The following ACTR3C variants were observed in gnomAD, a reference collection of about 807,000 sequenced individuals.
The protein encoded by ACTR3C is actin-related protein 3C.
ACTR3C carries 18 observed loss-of-function variants against 26.3 expected under a neutral mutation model. The observed-to-expected ratio is 0.68, with a 90% CI of 0.47 to 1.01. The LOEUF (loss-of-function observed/expected upper bound fraction) is 1.01, where lower values mean the gene tolerates loss of function less well. Among genes scored for constraint, ACTR3C ranks in the 50% least tolerant of loss-of-function variants. The probability of loss-of-function intolerance (pLI) is 0.00; values close to 1 mark genes in which losing one functional copy is unlikely to be tolerated. For missense variants in ACTR3C, 184 were observed against 250.7 expected, an observed-to-expected ratio of 0.73 and a Z score of 1.80; for synonymous variants, 55 against 94.5, an observed-to-expected ratio of 0.58 and a Z score of 2.42.
the ACTR3C span, among the ~76,000 whole-genome samples, chr7:150,126,985 T>C: frequency 6.6e-6 from 1 of 152,166 alleles, no homozygotes; most frequent in Non-Finnish European, 1.5e-5. Context: ...CAGTGCAAAA[T>C]ATTACAGGTA....
chr7:150,116,968 G>T, the ACTR3C span, among the ~76,000 whole-genome samples: 4 of 152,144 alleles, frequency 2.6e-5, no homozygotes, highest in Middle Eastern at 3.4e-3. Flanking sequence ...CCTCACTCAG[G>T]AAGCACAAGG....
the ACTR3C span, among the ~76,000 whole-genome samples, chr7:150,047,241 C>A: frequency 6.6e-6 from 1 of 151,958 alleles, no homozygotes; most frequent in African/African-American, 2.4e-5. Flanking sequence ...AAAAAATAAA[C>A]CAACTCGTAA....
chr7:150,296,269 G>A (rs1009360785), intron 1 of ACTR3C, among the ~76,000 whole-genome samples: 1 of 149,884 alleles, frequency 6.7e-6, no homozygotes, highest in Non-Finnish European at 1.5e-5. Flanking sequence ...GACCACTTGA[G>A]CCTCGGAGGT....
At chr7:149,924,663 T>C in the ACTR3C span, among the ~76,000 whole-genome samples, 1 of 151,846 alleles carries the variant, frequency 6.6e-6, no homozygotes, top group Admixed American at 6.6e-5. Context: ...TCTGGCTCTG[T>C]TGCCCAGGCT....
chr7:150,156,357 A>G, the ACTR3C span, among the ~76,000 whole-genome samples: 4 of 152,166 alleles, frequency 2.6e-5, no homozygotes, highest in Non-Finnish European at 5.9e-5. Context: ...TGATAGACAC[A>G]TTTGTATGGT....
chr7:150,148,653 T>A, the ACTR3C span, among the ~76,000 whole-genome samples: 1 of 151,226 alleles, frequency 6.6e-6, no homozygotes. Context: ...TTGTTTTACA[T>A]TTTTACAATT....
chr7:150,299,693 G>A (rs1247021838), intron 1 of ACTR3C, among the ~76,000 whole-genome samples: 2 of 152,070 alleles, frequency 1.3e-5, no homozygotes, highest in Non-Finnish European at 2.9e-5. Flanking sequence ...GGCTGAGGCA[G>A]CAGAATTGCT....
At chr7:149,941,898 A>G in the ACTR3C span, among the ~76,000 whole-genome samples, 35,680 of 151,920 alleles carry the variant, frequency 0.23, 6,545 homozygotes, top group African/African-American at 0.52. Context: ...GTAAATACCC[A>G]AGGACACTGT....
At chr7:149,892,377 G>C in the ACTR3C span, 1 of 1,564,044 alleles carries the variant, frequency 6.4e-7, no homozygotes, top group East Asian at 2.4e-5. Context: ...AACTACCTTT[G>C]CTGACTCTCT....
At chr7:150,035,550 G>C in the ACTR3C span, among the ~76,000 whole-genome samples, 3 of 125,264 alleles carry the variant, frequency 2.4e-5, no homozygotes, top group East Asian at 4.3e-4. Flanking sequence ...CTCCTGCGAT[G>C]GGGGTCCGCA....
the ACTR3C span, among the ~76,000 whole-genome samples, chr7:150,033,788 T>C: frequency 0.012 from 1,620 of 140,054 alleles, no homozygotes; most frequent in Non-Finnish European, 0.02. Context: ...ATGGGGGTCC[T>C]CAGAGCCAGG....
chr7:150,079,576 T>C, the ACTR3C span, among the ~76,000 whole-genome samples: 1 of 152,156 alleles, frequency 6.6e-6, no homozygotes, highest in African/African-American at 2.4e-5. Flanking sequence ...TGGTCCTCCG[T>C]TGGTGGAATG....
the ACTR3C span, among the ~76,000 whole-genome samples, chr7:149,975,718 T>G: frequency 6.6e-6 from 1 of 152,074 alleles, no homozygotes; most frequent in Non-Finnish European, 1.5e-5. Flanking sequence ...CTCAGGAAAC[T>G]TACAGTTATG....
chr7:150,263,957 T>C lies in ACTR3C; in HGVS notation c.565-14903A>G, dbSNP rs564484450. On this transcript the variant is annotated intron_variant, in intron 6 of 7. Coordinates refer to ENST00000683684, the MANE Select transcript of ACTR3C (RefSeq NM_001164458.2). The stretch of plus-strand genomic sequence containing the variant: ...GGAAGACAGCTGCAGGTGGAAGCTA[T>C]GACTATGCTGAGCTCTCAGCGGGGG... 2.6e-3 allele frequency among the ~76,000 whole-genome samples: 402 copies of C among 152,372 alleles called. 1 individual carries two copies. Among genetic ancestry groups the C allele is most frequent in the African/African-American group, 8.7e-3 (360 of 41,592 alleles).
At chr7:150,189,238 T>C in the ACTR3C span, among the ~76,000 whole-genome samples, 1 of 152,116 alleles carries the variant, frequency 6.6e-6, no homozygotes, top group Non-Finnish European at 1.5e-5. Flanking sequence ...TGCTCTATTC[T>C]TTTTGCCTTT....
the ACTR3C span, among the ~76,000 whole-genome samples, chr7:149,893,854 C>A: frequency 6.6e-6 from 1 of 152,162 alleles, no homozygotes; most frequent in Non-Finnish European, 1.5e-5. Flanking sequence ...TTGTGACTTA[C>A]TACACAAAGT....
the ACTR3C span, among the ~76,000 whole-genome samples, chr7:150,133,831 C>T: frequency 5.8e-3 from 882 of 151,706 alleles, 2 homozygotes; most frequent in African/African-American, 0.02. Context: ...TTGACCTCCA[C>T]GGGCTCAGTG....
At chr7:150,037,372 G>C in the ACTR3C span, among the ~76,000 whole-genome samples, 3 of 61,110 alleles carry the variant, frequency 4.9e-5, 1 homozygote, top group Non-Finnish European at 1.3e-4. Flanking sequence ...CCGCCTCGCG[G>C]GGGGTGCCTC....
At chr7:150,163,804 C>T in the ACTR3C span, among the ~76,000 whole-genome samples, 96 of 152,108 alleles carry the variant, frequency 6.3e-4, no homozygotes, top group Non-Finnish European at 9.3e-4. Context: ...TTTCCTCTGC[C>T]TTTTGTTCTA....
Sources: gnomAD v4.1 joint callset for allele counts (sites outside exome capture counted in the v4.1 genomes callset) on GRCh38, gnomAD v4.1.1 for gene constraint, MANE v1.5 for transcripts, NCBI Gene and HGNC (gene_info 2026-07-23, HGNC 2026-07-21) for gene names.